Variants in PTPRD observed in about 807,000 individuals in gnomAD.
PTPRD encodes the protein protein tyrosine phosphatase receptor type D.
A neutral mutation model predicts 214.5 loss-of-function variants in PTPRD; 34 were observed. The observed-to-expected ratio is 0.16, with a 90% CI of 0.12 to 0.21. PTPRD has a LOEUF of 0.21. PTPRD is among the 10% of genes least tolerant of loss of function. The pLI is 1.00. For missense variants in PTPRD, 2,545 were observed against 2,398.7 expected (o/e 1.06, Z -1.27); for synonymous variants, 1,128 against 845.7 (o/e 1.33, Z -5.79).
At chr9:8,852,055 C>T (rs1293248021) in intron 11 of PTPRD, among the ~76,000 whole-genome samples, 2 of 53,154 alleles carry the variant, frequency 3.8e-5, no homozygotes, top group East Asian at 5.1e-4. Flanking sequence ...CATCTACTAA[C>T]GGTTTAAAAA....
At chr9:10,372,972 A>G (rs1317503777) in intron 2 of PTPRD, among the ~76,000 whole-genome samples, 1 of 151,254 alleles carries the variant, frequency 6.6e-6, no homozygotes, top group Non-Finnish European at 1.5e-5. Flanking sequence ...AGCTTGGGTT[A>G]TAGTCACCCA....
Position 10,426,812 on chromosome 9 carries a change from C to T in PTPRD, c.-599-85795G>A, listed in dbSNP as rs181500674. On this transcript the variant is annotated intron_variant, in intron 2 of 45. Transcript: ENST00000381196. ...CCTGAATAATACTGTAGCCAAAACG[C>T]ATCACACAACTTTCCATTCTTCCTC... Among the ~76,000 whole-genome samples, 709 of 152,172 alleles carry T rather than the reference C, an allele frequency of 4.7e-3. 3 individuals carry two copies. The highest frequency in any genetic ancestry group is 7.4e-3 in the Non-Finnish European group (506 of 68,000).
chr9:9,985,260 C>A (rs1238144983), intron 4 of PTPRD, among the ~76,000 whole-genome samples: 1 of 152,144 alleles, frequency 6.6e-6, no homozygotes, highest in East Asian at 1.9e-4. Flanking sequence ...TCCTAGAGTA[C>A]CAGAGATAGA....
intron 14 of PTPRD, among the ~76,000 whole-genome samples, chr9:8,577,649 C>G (rs574822312): frequency 1.1e-4 from 16 of 152,296 alleles, no homozygotes; most frequent in African/African-American, 2.9e-4. Context: ...CCTGACTTCT[C>G]TAACATACTG....
chr9:8,437,551 T>C (rs1229503956), intron 34 of PTPRD, among the ~76,000 whole-genome samples: 1 of 152,178 alleles, frequency 6.6e-6, no homozygotes, highest in East Asian at 1.9e-4. Context: ...TTTCCACTAG[T>C]AGCAGATTGT....
chr9:8,935,238 TA>T (rs958552271), intron 11 of PTPRD, among the ~76,000 whole-genome samples: 5 of 152,028 alleles, frequency 3.3e-5, no homozygotes, highest in Admixed American at 6.6e-5. Context: ...TTGGAAGTAA[TA>T]AAAAAATTCA....
At chr9:8,363,069 A>G (rs1464545721) in intron 39 of PTPRD, among the ~76,000 whole-genome samples, 1 of 152,214 alleles carries the variant, frequency 6.6e-6, no homozygotes, top group Non-Finnish European at 1.5e-5. Context: ...GTTTTTGAGC[A>G]TGTGTAAAAC....
At position 9,320,532 on chromosome 9, in the gene PTPRD, C is replaced by G. The variant is rs536444814; in HGVS notation, c.-203+76917G>C. ...CCTCCTGGTCTCTGTTCACACTTCACTTACATCTGTAGTACACACCAGTCC... is the reference window on the plus strand; with the variant it reads ...CCTCCTGGTCTCTGTTCACACTTCAGTTACATCTGTAGTACACACCAGTCC... On this transcript the variant is annotated intron_variant, in intron 9 of 45. Coordinates refer to ENST00000381196, the MANE Select transcript of PTPRD (RefSeq NM_002839.4). Among the ~76,000 whole-genome samples the G allele has an allele frequency of 6.6e-5, 10 of 152,254 alleles. No homozygotes were observed. The South Asian group carries it at 2.1e-3, about 32-fold the overall frequency.
At chr9:8,582,263 C>G (rs1219942425) in intron 14 of PTPRD, among the ~76,000 whole-genome samples, 1 of 152,066 alleles carries the variant, frequency 6.6e-6, no homozygotes, top group Non-Finnish European at 1.5e-5. Context: ...TTACAACAAA[C>G]AGAAAAATCC....
chr9:9,433,985 C>A (rs1198739085), intron 8 of PTPRD, among the ~76,000 whole-genome samples: 1 of 152,080 alleles, frequency 6.6e-6, no homozygotes, highest in East Asian at 1.9e-4. Context: ...ACAGAAAAAT[C>A]ATTAAAATAA....
chr9:10,394,631 T>C (rs900877402), intron 2 of PTPRD, among the ~76,000 whole-genome samples: 1 of 151,922 alleles, frequency 6.6e-6, no homozygotes, highest in Admixed American at 6.6e-5. Flanking sequence ...AACTCGCACA[T>C]CCTAATAGTC....
At chr9:9,206,905 T>C (rs1479633870) in intron 9 of PTPRD, among the ~76,000 whole-genome samples, 1 of 152,174 alleles carries the variant, frequency 6.6e-6, no homozygotes, top group African/African-American at 2.4e-5. Context: ...TCAATACTCC[T>C]TAATAAACTC....
In PTPRD at chr9:8,471,122, G is replaced by C. The variant is rs374248876; in HGVS notation, c.3414-37C>G. 1.1e-4 allele frequency: 174 copies of C among 1,568,760 alleles called. 2 individuals carry two copies. In the Middle Eastern group the frequency reaches 1.3e-3, roughly 12 times the overall value. ...TGAATAGATAAAAGTTAGGTTAGTT[G>C]AAAGGAGGAAAACGTGGATATACCC... On this transcript the variant is annotated intron_variant, in intron 30 of 45. Coordinates refer to ENST00000381196, the MANE Select transcript of PTPRD (RefSeq NM_002839.4).
At chr9:8,564,613 T>C (rs555034674) in intron 14 of PTPRD, among the ~76,000 whole-genome samples, 10 of 152,174 alleles carry the variant, frequency 6.6e-5, no homozygotes, top group East Asian at 1.9e-4. Flanking sequence ...GGCAGGAGAA[T>C]TGTTTGAACT....
At chr9:10,143,439 G>C (rs2099001073) in intron 3 of PTPRD, among the ~76,000 whole-genome samples, 1 of 152,016 alleles carries the variant, frequency 6.6e-6, no homozygotes, top group Non-Finnish European at 1.5e-5. Flanking sequence ...GGAGAAAATG[G>C]AACACTTGTA....
At chr9:10,316,627 A>G (rs923557531) in intron 3 of PTPRD, among the ~76,000 whole-genome samples, 4 of 152,026 alleles carry the variant, frequency 2.6e-5, no homozygotes, top group South Asian at 2.1e-4. Context: ...CTTTATAGTG[A>G]ATCAACACAA....
chr9:9,342,369 AT>A (rs1252013957), intron 9 of PTPRD, among the ~76,000 whole-genome samples: 1 of 152,134 alleles, frequency 6.6e-6, no homozygotes, highest in Non-Finnish European at 1.5e-5. Context: ...TTTGTATACT[AT>A]TTTTTGTTTA....
At chr9:10,357,620 T>G (rs535205809) in intron 2 of PTPRD, among the ~76,000 whole-genome samples, 1 of 152,308 alleles carries the variant, frequency 6.6e-6, no homozygotes, top group African/African-American at 2.4e-5. Flanking sequence ...TATCCTTTTG[T>G]GCTGGTAGGA....
intron 3 of PTPRD, among the ~76,000 whole-genome samples, chr9:10,091,054 T>G (rs2154198501): frequency 6.6e-6 from 1 of 151,278 alleles, no homozygotes; most frequent in African/African-American, 2.4e-5. Flanking sequence ...TCCATAATTA[T>G]ACCTGGTATA....
Sources: allele counts gnomAD v4.1 joint callset (sites outside exome capture counted in the v4.1 genomes callset), GRCh38; gene constraint gnomAD v4.1.1; transcripts MANE v1.5; gene names NCBI Gene and HGNC (gene_info 2026-07-23, HGNC 2026-07-21).